The following SIPA1L3 variants were observed in gnomAD, a reference collection of about 807,000 sequenced individuals.
SIPA1L3 encodes the protein signal-induced proliferation-associated 1-like protein 3.
In SIPA1L3, 59 loss-of-function variants were observed where a neutral mutation model predicts 150.1. The observed-to-expected ratio is 0.39, with a 90% confidence interval of 0.32 to 0.49. The LOEUF is 0.49. SIPA1L3 is among the 20% of genes least tolerant of loss of function. The pLI is 0.86. For synonymous variants in SIPA1L3, 1,070 were observed against 1,077.6 expected (o/e 0.99, Z 0.14); for missense variants, 2,211 against 2,489.5 (o/e 0.89, Z 2.38).
intron 6 of SIPA1L3, among the ~76,000 whole-genome samples, chr19:38,104,344 G>A (rs138750449): frequency 5.1e-4 from 77 of 152,326 alleles, no homozygotes; most frequent in Admixed American, 3.1e-3. Flanking sequence ...CTCGACCTCA[G>A]TTTCCTCATC....
chr19:38,033,123 G>A (rs1235716720), intron 2 of SIPA1L3, among the ~76,000 whole-genome samples: 1 of 152,190 alleles, frequency 6.6e-6, no homozygotes, highest in African/African-American at 2.4e-5. Context: ...AAGGAAATGT[G>A]TTCCCTCTCC....
At position 38,119,567 on chromosome 19, in the gene SIPA1L3, CAAG is replaced by C. The variant is rs1380897955; in HGVS notation, c.2560_2562del (p.Lys854del). ...AATTCAACCTCATCTCCCTGACCTCCAAGAAGAAGGAAAAGACAAAAGCACGGG... is the reference window on the plus strand; with the variant it reads ...AATTCAACCTCATCTCCCTGACCTCCAAGAAGGAAAAGACAAAAGCACGGG... On this transcript the variant is annotated inframe_deletion, in exon 9 of 22. Transcript: ENST00000222345. 4 of 1,614,102 alleles carry C rather than the reference CAAG, an allele frequency of 2.5e-6. No individual in the cohort carries two copies. Among genetic ancestry groups the C allele is most frequent in the African/African-American group, 2.7e-5 (2 of 74,950 alleles).
chr19:38,194,750 CT>C (rs1248325619), intron 18 of SIPA1L3, among the ~76,000 whole-genome samples: 1 of 152,132 alleles, frequency 6.6e-6, no homozygotes, highest in African/African-American at 2.4e-5. Context: ...TCTGTCTCCC[CT>C]ATTAAAACTC....
chr19:38,186,641 C>A (rs1972684694), intron 16 of SIPA1L3, among the ~76,000 whole-genome samples: 1 of 151,002 alleles, frequency 6.6e-6, no homozygotes, highest in African/African-American at 2.4e-5. Context: ...AGTTGTGAGC[C>A]ACCGCACCCG....
At chr19:38,061,098 A>G (rs1969436652) in intron 2 of SIPA1L3, among the ~76,000 whole-genome samples, 1 of 152,130 alleles carries the variant, frequency 6.6e-6, no homozygotes. Context: ...CCCTTGTAAT[A>G]TTGCACTTCA....
At chr19:37,973,487 G>A (rs1470112972) in intron 1 of SIPA1L3, among the ~76,000 whole-genome samples, 9 of 138,802 alleles carry the variant, frequency 6.5e-5, no homozygotes, top group African/African-American at 1.6e-4. Context: ...CACCCACCTC[G>A]GTCTCCCAAA....
intron 1 of SIPA1L3, among the ~76,000 whole-genome samples, chr19:37,959,804 T>C (rs1029685810): frequency 6.8e-6 from 1 of 147,350 alleles, no homozygotes; most frequent in Non-Finnish European, 1.5e-5. Context: ...TTTGTTGGGT[T>C]TTAAAAAACT....
chr19:38,002,915 A>G (rs961293751), intron 1 of SIPA1L3, among the ~76,000 whole-genome samples: 1 of 151,994 alleles, frequency 6.6e-6, no homozygotes, highest in African/African-American at 2.4e-5. Context: ...GAGCCAAGAC[A>G]GGTGGATCAC....
chr19:38,044,396 G>A (rs549818839), intron 2 of SIPA1L3, among the ~76,000 whole-genome samples: 1 of 152,304 alleles, frequency 6.6e-6, no homozygotes, highest in South Asian at 2.1e-4. Context: ...GGGGAAGAGC[G>A]AAGCTGTGCG....
chr19:38,076,225 G>A (rs929853073), intron 2 of SIPA1L3, among the ~76,000 whole-genome samples: 1 of 151,978 alleles, frequency 6.6e-6, no homozygotes, highest in African/African-American at 2.4e-5. Context: ...TAAAATATAT[G>A]TACATTAGTC....
intron 10 of SIPA1L3, among the ~76,000 whole-genome samples, chr19:38,138,062 C>G (rs767673583): frequency 4.0e-5 from 6 of 151,864 alleles, no homozygotes; most frequent in Non-Finnish European, 8.8e-5. Context: ...ACCCAATAGG[C>G]GAAGGTTGCA....
intron 13 of SIPA1L3, among the ~76,000 whole-genome samples, chr19:38,153,786 T>A (rs1568579457): frequency 6.6e-6 from 1 of 151,290 alleles, no homozygotes; most frequent in East Asian, 1.9e-4. Flanking sequence ...ATACAAAAAT[T>A]AGCCAGGCGT....
chr19:38,150,464 T>C (rs1283330840), intron 12 of SIPA1L3, among the ~76,000 whole-genome samples: 1 of 151,648 alleles, frequency 6.6e-6, no homozygotes, highest in Non-Finnish European at 1.5e-5. Context: ...CACCTCCCCC[T>C]ACCAGATCCT....
In SIPA1L3 at chr19:38,141,484, C is replaced by T. The variant is rs372951028; in HGVS notation, c.3395+49C>T. 6 of 1,560,352 alleles carry T rather than the reference C, an allele frequency of 3.8e-6. No individual in the cohort carries two copies. The African/African-American group carries it at 5.4e-5, about 14-fold the overall frequency. On this transcript the variant is annotated intron_variant, in intron 11 of 21. Transcript: ENST00000222345. ...ATACTTCCCAACCCCCACCAGCCCA[C>T]ACCCATCCTCCGCCCCTCCCTCTCC...
intron 9 of SIPA1L3, among the ~76,000 whole-genome samples, chr19:38,128,004 C>G (rs1245073973): frequency 1.4e-5 from 2 of 141,412 alleles, no homozygotes; most frequent in Non-Finnish European, 3.0e-5. Context: ...ATGGCACCTT[C>G]TTGCTGTCAT....
intron 12 of SIPA1L3, among the ~76,000 whole-genome samples, chr19:38,143,108 G>A (rs1350301123): frequency 6.6e-6 from 1 of 151,952 alleles, no homozygotes; most frequent in Non-Finnish European, 1.5e-5. Flanking sequence ...CAACCTGGCA[G>A]CCTGAGAGAT....
In SIPA1L3 at chr19:38,145,534, CAA is replaced by C. The variant is rs35073920; in HGVS notation, c.3533+2843_3533+2844del. Among the ~76,000 whole-genome samples, 219 of 94,244 alleles carry C rather than the reference CAA, an allele frequency of 2.3e-3. 1 individual carries two copies. The highest frequency in any genetic ancestry group is 0.022 in the East Asian group (80 of 3,688). 61.8% of individuals were successfully genotyped at this position (94,244 alleles called of 152,430 possible). A position where few individuals can be genotyped will look rare whatever the true frequency, so the allele number is the denominator to read the frequency against. On this transcript the variant is annotated intron_variant, in intron 12 of 21. Transcript: ENST00000222345. ...GGCAACAGGAGCAAAAACTCCGTCT[CAA>C]AAAAAAAAAAAAAAAAAAGAATACA... is the stretch of plus-strand genomic sequence containing the variant.
intron 1 of SIPA1L3, among the ~76,000 whole-genome samples, chr19:38,008,527 CTAGGCTACCTTT>C (rs1392503650): frequency 1.4e-4 from 21 of 152,050 alleles, no homozygotes; most frequent in Admixed American, 1.2e-3. Flanking sequence ...CCGCTCCTGG[CTAGGCTACCTTT>C]TAAGCTGTTA....
intron 10 of SIPA1L3, among the ~76,000 whole-genome samples, chr19:38,136,476 C>T (rs1165854840): frequency 4.6e-5 from 7 of 151,934 alleles, no homozygotes; most frequent in Non-Finnish European, 4.4e-5. Flanking sequence ...TGGTGGCAGG[C>T]GCCTGTAATC....
Sources: allele counts gnomAD v4.1 joint callset (sites outside exome capture counted in the v4.1 genomes callset), GRCh38; gene constraint gnomAD v4.1.1; transcripts MANE v1.5; gene names NCBI Gene and HGNC (gene_info 2026-07-23, HGNC 2026-07-21).